PHLPP1: variants seen among roughly 807,000 people sequenced by gnomAD.
PHLPP1 encodes the protein PH domain leucine-rich repeat-containing protein phosphatase 1.
A neutral mutation model predicts 117.2 loss-of-function variants in PHLPP1; 42 were observed. The observed-to-expected ratio is 0.36, with a 90% CI of 0.28 to 0.46. The LOEUF (loss-of-function observed/expected upper bound fraction) is 0.46, where lower values mean the gene tolerates loss of function less well. PHLPP1 is among the 20% of genes least tolerant of loss of function. PHLPP1 has a pLI of 1.00. For missense variants in PHLPP1, 2,084 were observed against 2,241.9 expected (o/e 0.93, Z 1.42); for synonymous variants, 1,042 against 970.7 (o/e 1.07, Z -1.37).
chr18:62,718,424 T>G (rs1395630050), intron 1 of PHLPP1, among the ~76,000 whole-genome samples: 2 of 152,240 alleles, frequency 1.3e-5, no homozygotes, highest in African/African-American at 2.4e-5. Flanking sequence ...TTAGTTTGCA[T>G]GAAGAAATCT....
chr18:62,770,411 A>C (rs370983681), intron 1 of PHLPP1, among the ~76,000 whole-genome samples: 54 of 152,264 alleles, frequency 3.5e-4, no homozygotes, highest in African/African-American at 9.9e-4. Context: ...TGCCCGGCCT[A>C]CTCTGGTTAA....
At chr18:62,759,808 C>G (rs545254039) in intron 1 of PHLPP1, among the ~76,000 whole-genome samples, 1 of 152,260 alleles carries the variant, frequency 6.6e-6, no homozygotes, top group Middle Eastern at 3.4e-3. Flanking sequence ...TCATCATTAG[C>G]TATATTGTTC....
At chr18:62,949,249 C>G (rs1910384011) in intron 12 of PHLPP1, among the ~76,000 whole-genome samples, 1 of 152,138 alleles carries the variant, frequency 6.6e-6, no homozygotes, top group Admixed American at 6.5e-5. Context: ...GCTATCTTTT[C>G]AGACATTAAA....
chr18:62,905,202 G>A, intron 7 of PHLPP1, 22 bp from the exon 8 acceptor site: 2 of 1,442,960 alleles, frequency 1.4e-6, no homozygotes, highest in South Asian at 2.9e-5. Flanking sequence ...TGTCTTTGTG[G>A]GGTTTTTTTT....
chr18:62,866,795 G>GAT (rs1915782407), intron 4 of PHLPP1, among the ~76,000 whole-genome samples: 2 of 152,148 alleles, frequency 1.3e-5, no homozygotes, highest in Non-Finnish European at 2.9e-5. Context: ...TCACCGACTT[G>GAT]ATCCCCCATG....
At chr18:62,882,946 T>TAA (rs35265223) in intron 4 of PHLPP1, among the ~76,000 whole-genome samples, 61 of 121,496 alleles carry the variant, frequency 5.0e-4, no homozygotes, top group Non-Finnish European at 8.7e-4. Context: ...GACCACATCT[T>TAA]AAAAAAAAAA....
rs1404785739 is a variant in PHLPP1 at position 62,963,373 on chromosome 18, T to C, written c.3461T>C (p.Ile1154Thr). The change falls in exon 14 of 17, where the codon ATC becomes ACC. Residue 1154 changes from isoleucine to threonine, a missense_variant. By Grantham distance (89) the Ile-to-Thr change is moderately conservative. This residue lies in a region of PHLPP1 where 1,365 missense variants were observed against 1,605.9 expected (regional missense o/e 0.85). Transcript: ENST00000262719. ...CTCCCTGTTTCTCTTGTTAGTAATA[T>C]CCGCTGTTTCAAGATTGATCAGCCT... ...DHKTLELLNN[I>T]RCFKIDQPST... The C allele has an allele frequency of 6.2e-7, 1 of 1,609,530 alleles. No individual in the cohort carries two copies. The highest frequency in any genetic ancestry group is 1.7e-5 in the Admixed American group (1 of 59,822).
rs908488613 is a variant in PHLPP1, at chr18:62,979,621, A to C, written c.*190A>C. 3.3e-6 allele frequency: 2 copies of C among 614,100 alleles called. No individual in the cohort carries two copies. The highest frequency in any genetic ancestry group is 3.1e-5 in the Admixed American group (1 of 32,664). 38.0% of individuals were successfully genotyped at this position (614,100 alleles called of 1,614,324 possible). ...TTTTAAGTAATCACCACTTTCTTCT[A>C]GTGATGCTTTACCAATATGATTTAC... On this transcript the variant is annotated 3_prime_UTR_variant, in exon 17 of 17. Coordinates refer to ENST00000262719, the MANE Select transcript of PHLPP1 (RefSeq NM_194449.4).
At chr18:62,869,416 A>G (rs1264183269) in intron 4 of PHLPP1, among the ~76,000 whole-genome samples, 1 of 152,212 alleles carries the variant, frequency 6.6e-6, no homozygotes, top group Non-Finnish European at 1.5e-5. Flanking sequence ...GATTTCCACA[A>G]AGTGAACACA....
In PHLPP1 at chr18:62,979,438, C is replaced by T. The variant is rs371236818; in HGVS notation, c.*7C>T. The T allele has an allele frequency of 1.7e-3, 2,686 of 1,549,302 alleles. 8 individuals are homozygous for T. Among genetic ancestry groups the T allele is most frequent in the Non-Finnish European group, 2.2e-3 (2,470 of 1,145,450 alleles). ...TTACGACACGCCACTATGACCCAGC[C>T]GAGCTGTTTAACAAATAAACTAACC... On this transcript the variant is annotated 3_prime_UTR_variant, in exon 17 of 17. Transcript: ENST00000262719.
chr18:62,853,168 G>C (rs756346235), intron 3 of PHLPP1, among the ~76,000 whole-genome samples: 1 of 151,996 alleles, frequency 6.6e-6, no homozygotes, highest in Non-Finnish European at 1.5e-5. Context: ...GAAATATTTT[G>C]AGGACCAAAT....
chr18:62,880,985 C>T (rs577265016), intron 4 of PHLPP1, among the ~76,000 whole-genome samples: 1 of 152,142 alleles, frequency 6.6e-6, no homozygotes, highest in East Asian at 1.9e-4. Flanking sequence ...TAGGATTAAC[C>T]CAGCCTAAGG....
chr18:62,796,428 A>G (rs1280895464), intron 1 of PHLPP1, among the ~76,000 whole-genome samples: 2 of 152,226 alleles, frequency 1.3e-5, no homozygotes, highest in East Asian at 3.8e-4. Context: ...CATTGCTTCC[A>G]TGATGAATTA....
chr18:62,843,849 T>C (rs1326102937), intron 3 of PHLPP1, among the ~76,000 whole-genome samples: 1 of 152,222 alleles, frequency 6.6e-6, no homozygotes, highest in Non-Finnish European at 1.5e-5. Flanking sequence ...GAAGAGCTCC[T>C]ATCAGATATA....
At chr18:62,841,554 C>G (rs1915052191) in intron 3 of PHLPP1, among the ~76,000 whole-genome samples, 1 of 151,210 alleles carries the variant, frequency 6.6e-6, no homozygotes, top group Admixed American at 6.6e-5. Flanking sequence ...GGCTAGTGTC[C>G]AACTCCTGAC....
At chr18:62,821,566 A>T (rs1246076921) in intron 1 of PHLPP1, among the ~76,000 whole-genome samples, 1 of 149,910 alleles carries the variant, frequency 6.7e-6, no homozygotes, top group African/African-American at 2.4e-5. Flanking sequence ...AAAAAAAAAA[A>T]AAAAAGAAAA....
chr18:62,972,061 T>A (rs1911065080), intron 14 of PHLPP1, among the ~76,000 whole-genome samples: 1 of 152,164 alleles, frequency 6.6e-6, no homozygotes, highest in Admixed American at 6.5e-5. Flanking sequence ...TAAAAATAAT[T>A]TTTTAAAAGT....
chr18:62,949,665 G>T (rs1260298336), intron 12 of PHLPP1, among the ~76,000 whole-genome samples: 1 of 152,142 alleles, frequency 6.6e-6, no homozygotes, highest in African/African-American at 2.4e-5. Context: ...CACCAGTCCA[G>T]TTTTGCTTGG....
rs1910686447 is a variant in PHLPP1 at position 62,958,617 on chromosome 18, T to C, written c.3325-12T>C. 1 of 1,613,662 alleles carries C rather than the reference T, an allele frequency of 6.2e-7. No individual in the cohort carries two copies. Among genetic ancestry groups the C allele is most frequent in the Non-Finnish European group, 8.5e-7 (1 of 1,179,792 alleles). ...ACCATCTCTTTCTTGTTTGCACTTG[T>C]TCTTTTTTCAGTGTGTGGACCTGAG... On this transcript the variant is annotated splice_polypyrimidine_tract_variant and intron_variant, in intron 12 of 16. Coordinates refer to ENST00000262719, the MANE Select transcript of PHLPP1 (RefSeq NM_194449.4).
Sources: gnomAD v4.1 joint callset for allele counts (sites outside exome capture counted in the v4.1 genomes callset) on GRCh38, gnomAD v4.1.1 for gene constraint, gnomAD v4.1.1 regional missense constraint, MANE v1.5 for transcripts, NCBI Gene and HGNC (gene_info 2026-07-23, HGNC 2026-07-21) for gene names.